Variants in CYREN observed in about 807,000 individuals in gnomAD.
The protein encoded by CYREN is cell cycle regulator of NHEJ, also known as cell cycle regulator of non-homologous end joining.
Under a neutral mutation model 9.7 loss-of-function variants are expected in CYREN, and 7 were observed. The observed-to-expected ratio is 0.72, with a 90% CI of 0.41 to 1.36. The LOEUF (loss-of-function observed/expected upper bound fraction) is 1.36, where lower values mean the gene tolerates loss of function less well. Among genes scored for constraint, CYREN ranks in the 40% most tolerant of loss-of-function variants. The pLI is 0.01. For synonymous variants in CYREN, 76 were observed against 77.9 expected (o/e 0.98, Z 0.13); for missense variants, 215 against 198.1 (o/e 1.09, Z -0.51).
intron 2 of CYREN, among the ~76,000 whole-genome samples, chr7:135,160,510 G>A (rs1326990663): frequency 1.3e-5 from 2 of 152,178 alleles, no homozygotes; most frequent in East Asian, 3.9e-4. Context: ...AAAATGTTTA[G>A]GGAAAGAAGC....
At chr7:135,136,183 G>A (rs886085305) in intron 2 of CYREN, among the ~76,000 whole-genome samples, 18 of 152,056 alleles carry the variant, frequency 1.2e-4, no homozygotes, top group African/African-American at 4.1e-4. Flanking sequence ...TAGAGGATGA[G>A]GCTAAGCATA....
At chr7:135,167,862 G>A (rs1830296143) in intron 2 of CYREN, 55 bp from the exon 3 acceptor site, 2 of 1,612,158 alleles carry the variant, frequency 1.2e-6, no homozygotes, top group Non-Finnish European at 1.7e-6. Context: ...TCTCATAAGG[G>A]CAAAGAGAAC....
upstream of CYREN, among the ~76,000 whole-genome samples, chr7:135,171,975 G>A (rs1356906561): frequency 6.6e-6 from 1 of 152,262 alleles, no homozygotes; most frequent in Non-Finnish European, 1.5e-5. Context: ...AGCTTGTCAA[G>A]ACTAGTTTTT....
At chr7:135,137,161 A>G (rs1277681931) in intron 2 of CYREN, among the ~76,000 whole-genome samples, 1 of 152,036 alleles carries the variant, frequency 6.6e-6, no homozygotes, top group African/African-American at 2.4e-5. Flanking sequence ...TTCTAATGGG[A>G]AAATTGGACA....
chr7:135,147,752 G>A, intron 2 of CYREN: 1 of 456,146 alleles, frequency 2.2e-6, no homozygotes, highest in South Asian at 1.5e-5. Context: ...CTGGGAGCTT[G>A]GACCAGATGA....
In CYREN at chr7:135,128,965, T is replaced by C. The variant is rs1447967898; in HGVS notation, n.357-34383A>G. On this transcript the variant is annotated intron_variant and non_coding_transcript_variant, in intron 2 of 2. Transcript: ENST00000459937. ...TGTAAGAAGCTGGGTAGTGAATGCA[T>C]GTACTTCTTGGAGTGCAGGCATGTG... The C allele has an allele frequency of 4.4e-6, 7 of 1,583,670 alleles. No homozygotes were observed. The African/African-American group carries it at 8.1e-5, about 18-fold the overall frequency.
rs1234459731 is a variant in CYREN, at chr7:135,169,077, A to T, written c.-138-17T>A. On this transcript the variant is annotated splice_polypyrimidine_tract_variant and intron_variant, in intron 1 of 3. Transcript: ENST00000393114. ...CTTTGATTCCTACAAAGAACAATAA[A>T]GTCCGGTGAATTCCCATACCTCCAG... 1.4e-6 allele frequency: 1 copy of T among 735,664 alleles called. No homozygotes were observed. The highest frequency in any genetic ancestry group is 2.9e-5 in the East Asian group (1 of 34,696). 45.6% of individuals were successfully genotyped at this position (735,664 alleles called of 1,614,324 possible).
chr7:135,167,497 C>T lies in CYREN; in HGVS notation c.213+235G>A, dbSNP rs1007525397. The T allele has an allele frequency of 5.7e-6, 8 of 1,401,484 alleles. No individual in the cohort carries two copies. The African/African-American group carries it at 5.8e-5, about 10-fold the overall frequency. The allele number at this position is 1,401,484 out of a possible 1,614,324, so 86.8% of individuals were successfully genotyped here. A position where few individuals can be genotyped will look rare whatever the true frequency, so the allele number is the denominator to read the frequency against. Reference sequence around the variant, plus strand: ...CACGCTCTCCCTAACACACACACGCCCTCCCTAACACACGCATGCCCTCCC... The same window carrying T: ...CACGCTCTCCCTAACACACACACGCTCTCCCTAACACACGCATGCCCTCCC... On this transcript the variant is annotated intron_variant, in intron 3 of 3. Coordinates refer to ENST00000393114, the MANE Select transcript of CYREN (RefSeq NM_024033.4).
intron 2 of CYREN, among the ~76,000 whole-genome samples, chr7:135,140,772 G>C (rs1454852581): frequency 6.6e-6 from 1 of 151,958 alleles, no homozygotes; most frequent in Non-Finnish European, 1.5e-5. Flanking sequence ...TAACATGAAG[G>C]GATGCTGAAT....
chr7:135,142,634 G>A (rs1255052130), intron 2 of CYREN, among the ~76,000 whole-genome samples: 1 of 152,084 alleles, frequency 6.6e-6, no homozygotes. Context: ...AAGACTGCAA[G>A]ACACTAGGTT....
chr7:135,127,047 A>C (rs1827972235), intron 2 of CYREN, among the ~76,000 whole-genome samples: 1 of 152,244 alleles, frequency 6.6e-6, no homozygotes, highest in East Asian at 1.9e-4. Context: ...GAGCTTCTGC[A>C]TAGCAAAAGA....
chr7:135,167,519 TC>T (rs773114064), intron 3 of CYREN: 3 of 1,418,112 alleles, frequency 2.1e-6, no homozygotes, highest in Non-Finnish European at 2.8e-6. Context: ...ACGCATGCCC[TC>T]CCAGGCTTCT....
downstream of CYREN, chr7:135,164,754 C>G (rs762557232): frequency 3.7e-6 from 6 of 1,614,236 alleles, no homozygotes; most frequent in Non-Finnish European, 5.1e-6. Flanking sequence ...CCTCCTAGCC[C>G]AGTGCAACAG....
chr7:135,161,149 T>C (rs968247168), downstream of CYREN, among the ~76,000 whole-genome samples: 1 of 152,208 alleles, frequency 6.6e-6, no homozygotes, highest in Admixed American at 6.5e-5. This position sits in a 1 kb window ranked among gnomAD's most constrained non-coding sequence, Gnocchi z 4.1. Flanking sequence ...TCCACATGCC[T>C]GGTCCTGGGC....
At chr7:135,133,785 T>C (rs1025477395) in intron 2 of CYREN, among the ~76,000 whole-genome samples, 1 of 152,162 alleles carries the variant, frequency 6.6e-6, no homozygotes, top group African/African-American at 2.4e-5. Context: ...AACCTGTGTG[T>C]ATAACTATTT....
downstream of CYREN, among the ~76,000 whole-genome samples, chr7:135,162,201 G>A (rs1035641801): frequency 2.6e-5 from 4 of 152,206 alleles, no homozygotes; most frequent in East Asian, 5.8e-4. Flanking sequence ...GGAAAGAGGA[G>A]GGAGCTGTTC....
intron 2 of CYREN, among the ~76,000 whole-genome samples, chr7:135,142,300 C>T (rs1326658336): frequency 2.6e-5 from 4 of 152,082 alleles, no homozygotes; most frequent in Admixed American, 2.0e-4. Flanking sequence ...AGATACATTT[C>T]TTTCCATATA....
chr7:135,168,654 T>C (rs974875959), intron 2 of CYREN, 132 bp downstream of exon 2: 28 of 1,385,384 alleles, frequency 2.0e-5, no homozygotes, highest in Admixed American at 2.3e-5. Context: ...TTCTAAAAGC[T>C]CAAGAGATGA....
intron 2 of CYREN, among the ~76,000 whole-genome samples, chr7:135,131,574 A>C (rs554660136): frequency 6.6e-6 from 1 of 152,226 alleles, no homozygotes; most frequent in South Asian, 2.1e-4. Flanking sequence ...AGAAATTTAT[A>C]GAACTAACTG....
Sources: gnomAD v4.1 joint callset for allele counts (sites outside exome capture counted in the v4.1 genomes callset) on GRCh38, gnomAD v4.1.1 for gene constraint, Gnocchi (gnomAD v3.1) non-coding constraint, MANE v1.5 for transcripts, NCBI Gene and HGNC (gene_info 2026-07-23, HGNC 2026-07-21) for gene names.